The following EYS variants were observed in gnomAD, a reference collection of about 807,000 sequenced individuals.
EYS encodes protein eyes shut homolog.
Under a neutral mutation model 282.1 loss-of-function variants are expected in EYS, and 250 were observed. The ratio of observed to expected loss-of-function variants is 0.89; its 90% CI spans 0.80 to 0.98. EYS has a LOEUF of 0.98. Among genes scored for constraint, EYS ranks in the 50% least tolerant of loss-of-function variants. The pLI, the probability that EYS is intolerant of heterozygous loss-of-function variation, is 0.00. For missense variants in EYS, 4,016 were observed against 3,709.0 expected (o/e 1.08, Z -2.15); for synonymous variants, 1,355 against 1,282.9 (o/e 1.06, Z -1.20).
intron 29 of EYS, among the ~76,000 whole-genome samples, chr6:64,354,672 T>C (rs944440138): frequency 4.6e-5 from 7 of 151,602 alleles, no homozygotes; most frequent in Non-Finnish European, 8.9e-5. Context: ...CTGCATACTA[T>C]GTAGATTAGT....
chr6:64,149,700 G>A (rs575184331), intron 31 of EYS, among the ~76,000 whole-genome samples: 4 of 152,258 alleles, frequency 2.6e-5, no homozygotes, highest in Middle Eastern at 3.4e-3. Context: ...TAAGTAACTC[G>A]TACAATGCAC....
intron 2 of EYS, among the ~76,000 whole-genome samples, chr6:65,611,563 T>C (rs168513): frequency 0.071 from 10,767 of 152,110 alleles, 632 homozygotes; most frequent in East Asian, 0.16. Flanking sequence ...AAAATTATTT[T>C]ATTGTAAAAA....
intron 22 of EYS, among the ~76,000 whole-genome samples, chr6:64,797,236 A>G (rs1774380291): frequency 6.6e-6 from 1 of 152,118 alleles, no homozygotes; most frequent in Admixed American, 6.6e-5. Context: ...TAAGTATGAT[A>G]GCAAGAATAC....
intron 34 of EYS, among the ~76,000 whole-genome samples, chr6:63,997,776 G>T (rs115889991): frequency 0.012 from 1,831 of 152,226 alleles, 32 homozygotes; most frequent in African/African-American, 0.042. Context: ...GCACTTACTG[G>T]ATTCTATGTG....
intron 30 of EYS, among the ~76,000 whole-genome samples, chr6:64,261,780 T>A (rs1767597138): frequency 9.2e-6 from 1 of 108,670 alleles, no homozygotes; most frequent in South Asian, 3.6e-4. Context: ...TAATATTAGG[T>A]TATTTTGTTT....
chr6:65,535,231 G>T (rs1343710106), intron 2 of EYS, among the ~76,000 whole-genome samples: 1 of 152,048 alleles, frequency 6.6e-6, no homozygotes, highest in African/African-American at 2.4e-5. Context: ...CAGTGGCCTT[G>T]GGACCCAGAA....
At chr6:64,446,039 A>C (rs1458545379) in intron 26 of EYS, among the ~76,000 whole-genome samples, 1 of 152,216 alleles carries the variant, frequency 6.6e-6, no homozygotes, top group Non-Finnish European at 1.5e-5. Context: ...TAAAGATATT[A>C]ACTTTCATCT....
intron 26 of EYS, among the ~76,000 whole-genome samples, chr6:64,503,654 G>C (rs1437385131): frequency 6.6e-6 from 1 of 152,124 alleles, no homozygotes; most frequent in Non-Finnish European, 1.5e-5. Context: ...ACAGCAGCAT[G>C]GGGCACTAAT....
chr6:64,668,213 A>G (rs890227658), intron 22 of EYS, among the ~76,000 whole-genome samples: 34 of 152,234 alleles, frequency 2.2e-4, no homozygotes, highest in African/African-American at 7.5e-4. Context: ...TAATGCTTTC[A>G]TGCTAAAAGG....
At chr6:64,807,669 T>G (rs1253067975) in intron 22 of EYS, among the ~76,000 whole-genome samples, 1 of 152,100 alleles carries the variant, frequency 6.6e-6, no homozygotes, top group Non-Finnish European at 1.5e-5. Flanking sequence ...ATGTTTGGAT[T>G]GCCTAAAACA....
At chr6:65,005,912 G>T (rs1771633391) in intron 13 of EYS, among the ~76,000 whole-genome samples, 1 of 152,126 alleles carries the variant, frequency 6.6e-6, no homozygotes, top group African/African-American at 2.4e-5. Flanking sequence ...CGACTTTTTT[G>T]AAAGTGTAGC....
chr6:65,251,643 T>C (rs1039044481), intron 12 of EYS, among the ~76,000 whole-genome samples: 1 of 151,948 alleles, frequency 6.6e-6, no homozygotes, highest in Non-Finnish European at 1.5e-5. Context: ...GAGGACTGAC[T>C]CAAGCAAACA....
intron 14 of EYS, among the ~76,000 whole-genome samples, chr6:64,967,286 C>T (rs1770129230): frequency 6.6e-6 from 1 of 151,812 alleles, no homozygotes; most frequent in South Asian, 2.1e-4. Context: ...TAAACTTACA[C>T]TTTGGAATAA....
intron 26 of EYS, among the ~76,000 whole-genome samples, chr6:64,451,027 A>G (rs901662301): frequency 1.3e-5 from 2 of 152,222 alleles, no homozygotes; most frequent in Non-Finnish European, 2.9e-5. Context: ...TGAAGGAAAT[A>G]GAGACACAAA....
At chr6:63,986,893 T>C (rs1029672148) in intron 34 of EYS, among the ~76,000 whole-genome samples, 5 of 151,466 alleles carry the variant, frequency 3.3e-5, no homozygotes, top group Admixed American at 1.3e-4. Context: ...GGTGTACCCA[T>C]GTAACAAACC....
At chr6:64,969,803 T>C (rs1770224894) in intron 14 of EYS, among the ~76,000 whole-genome samples, 1 of 152,094 alleles carries the variant, frequency 6.6e-6, no homozygotes, top group Non-Finnish European at 1.5e-5. Flanking sequence ...ACAAAGGCAG[T>C]AAAAGGTCTA....
intron 31 of EYS, among the ~76,000 whole-genome samples, chr6:64,082,604 G>C (rs1245591263): frequency 6.6e-6 from 1 of 152,010 alleles, no homozygotes; most frequent in African/African-American, 2.4e-5. Flanking sequence ...ACAAAGGTTA[G>C]AGAACTGTCA....
At chr6:65,627,504 T>G (rs536846303) in intron 2 of EYS, among the ~76,000 whole-genome samples, 1 of 152,154 alleles carries the variant, frequency 6.6e-6, no homozygotes, top group South Asian at 2.1e-4. Flanking sequence ...GCCCACTCCC[T>G]CAGCTTGCAG....
At position 64,833,981 on chromosome 6, in the gene EYS, C is replaced by T. The variant is rs182746172; in HGVS notation, c.2993-11159G>A. Among the ~76,000 whole-genome samples the T allele has an allele frequency of 2.4e-4, 37 of 151,930 alleles. 1 individual carries two copies. The East Asian group carries it at 6.8e-3, about 28-fold the overall frequency. ...AATTTTAATTCTTCATTTGAATGGGCCCCAAACCAGGGCCTTGATGAAATT... is the reference window on the plus strand; with the variant it reads ...AATTTTAATTCTTCATTTGAATGGGTCCCAAACCAGGGCCTTGATGAAATT... On this transcript the variant is annotated intron_variant, in intron 19 of 42. Coordinates refer to ENST00000503581, the MANE Select transcript of EYS (RefSeq NM_001142800.2).
Sources: gnomAD v4.1 joint callset for allele counts (sites outside exome capture counted in the v4.1 genomes callset) on GRCh38, gnomAD v4.1.1 for gene constraint, MANE v1.5 for transcripts, NCBI Gene and HGNC (gene_info 2026-07-23, HGNC 2026-07-21) for gene names.